The following VRTN variants were observed in gnomAD, a reference collection of about 807,000 sequenced individuals.
VRTN encodes vertnin.
VRTN carries 5 observed loss-of-function variants against 18.2 expected under a neutral mutation model. The observed-to-expected ratio is 0.27, with a 90% confidence interval of 0.14 to 0.58. VRTN has a LOEUF of 0.58. Ranked by LOEUF, VRTN falls within the 20% of genes least tolerant of loss-of-function variation. The probability of loss-of-function intolerance (pLI) is 0.91; values close to 1 mark genes in which losing one functional copy is unlikely to be tolerated. For missense variants in VRTN, 741 were observed against 939.4 expected (o/e 0.79, Z 2.76); for synonymous variants, 381 against 393.7 (o/e 0.97, Z 0.38).
Position 74,328,714 on chromosome 14 carries a change from T to C in VRTN, c.-163-9009T>C, listed in dbSNP as rs544536434. ...CTGCAGGGTTAAAAAGAGTAAGTTA[T>C]TGGCCAGGTGCCCTGGCTCATGCTT... On this transcript the variant is annotated intron_variant, in intron 1 of 2. Coordinates refer to the VRTN transcript ENST00000557177. Among the ~76,000 whole-genome samples the C allele has an allele frequency of 9.3e-4, 141 of 152,326 alleles. 3 individuals carry two copies. Among genetic ancestry groups the C allele is most frequent in the Admixed American group, 8.4e-3 (128 of 15,294 alleles).
chr14:74,347,470 A>T (rs540569051), upstream of VRTN, among the ~76,000 whole-genome samples: 7 of 152,324 alleles, frequency 4.6e-5, no homozygotes, highest in African/African-American at 1.4e-4. Flanking sequence ...TTGAGAGAGG[A>T]GAAAATGATA....
At position 74,303,132 on chromosome 14, in the gene VRTN, A is replaced by G. The variant is rs556711585; in HGVS notation, c.-208A>G. 40 of 448,488 alleles carry G rather than the reference A, an allele frequency of 8.9e-5. No homozygotes were observed. In the East Asian group the frequency reaches 1.4e-3, roughly 16 times the overall value. The allele number at this position is 448,488 out of a possible 1,614,324, so 27.8% of individuals were successfully genotyped here. A position where few individuals can be genotyped will look rare whatever the true frequency, so the allele number is the denominator to read the frequency against. On this transcript the variant is annotated 5_prime_UTR_variant, in exon 1 of 3. Transcript: ENST00000557177. ...ACAGCGCCCCCATATTTTCTGGGAG[A>G]CTTCCCTTTTGACAATAGGTATCCG...
intron 1 of VRTN, among the ~76,000 whole-genome samples, chr14:74,325,774 TAAAAAAAG>T (rs919671840): frequency 1.1e-4 from 17 of 151,032 alleles, no homozygotes; most frequent in African/African-American, 3.9e-4. Context: ...TGTTTCAAAA[TAAAAAAAG>T]AAAAAAAGAG....
rs948843354 is a variant in VRTN at position 74,359,534 on chromosome 14, AAG to A, written c.*644_*645del. ...CTCATCTCTTAGAAAAAAAAAAAGA[AAG>A]AAAATCAAATGTAGAGCTGATCAGC... On this transcript the variant is annotated 3_prime_UTR_variant, in exon 2 of 2. Transcript: ENST00000256362. The A allele has an allele frequency of 1.2e-5, 2 of 166,978 alleles. No homozygotes were observed. The highest frequency in any genetic ancestry group is 4.8e-5 in the African/African-American group (2 of 41,422). The allele number at this position is 166,978 out of a possible 1,614,324, so 10.3% of individuals were successfully genotyped here. A position where few individuals can be genotyped will look rare whatever the true frequency, so the allele number is the denominator to read the frequency against.
intron 1 of VRTN, among the ~76,000 whole-genome samples, chr14:74,311,730 T>TGTAATATA (rs2085390116): frequency 6.8e-6 from 1 of 146,390 alleles, no homozygotes; most frequent in South Asian, 2.2e-4. Context: ...TTTTACACTT[T>TGTAATATA]GTAATATATC....
chr14:74,304,399 A>G (rs1378478110), intron 1 of VRTN, among the ~76,000 whole-genome samples: 2 of 152,044 alleles, frequency 1.3e-5, no homozygotes, highest in African/African-American at 4.8e-5. Flanking sequence ...CAGGTGATCC[A>G]CCCACCTTGG....
intron 1 of VRTN, among the ~76,000 whole-genome samples, chr14:74,329,484 G>T (rs992096011): frequency 6.6e-6 from 1 of 152,008 alleles, no homozygotes; most frequent in Non-Finnish European, 1.5e-5. Flanking sequence ...GGCTGGTCTT[G>T]AACTCCTGGG....
At chr14:74,332,784 C>T (rs2085536266) in intron 1 of VRTN, among the ~76,000 whole-genome samples, 1 of 152,134 alleles carries the variant, frequency 6.6e-6, no homozygotes, top group Admixed American at 6.5e-5. Flanking sequence ...CTTGAGCACC[C>T]ACTTGGACCC....
chr14:74,315,202 T>C (rs1485620642), intron 1 of VRTN, among the ~76,000 whole-genome samples: 2 of 152,206 alleles, frequency 1.3e-5, no homozygotes, highest in African/African-American at 4.8e-5. Context: ...ATTAAGGAGA[T>C]GGCAGTGATA....
intron 1 of VRTN, among the ~76,000 whole-genome samples, chr14:74,354,469 A>G (rs971608900): frequency 9.9e-5 from 15 of 151,656 alleles, no homozygotes; most frequent in African/African-American, 3.2e-4. Context: ...CAGTGATGCA[A>G]TCTTGGCTCA....
chr14:74,336,158 A>C (rs545842737), intron 1 of VRTN, among the ~76,000 whole-genome samples: 1 of 151,960 alleles, frequency 6.6e-6, no homozygotes, highest in South Asian at 2.1e-4. Flanking sequence ...CCTGTAATCC[A>C]GCACTTTGGG....
At chr14:74,306,844 G>C (rs1020556389) in intron 1 of VRTN, among the ~76,000 whole-genome samples, 2 of 151,606 alleles carry the variant, frequency 1.3e-5, no homozygotes, top group African/African-American at 2.4e-5. Flanking sequence ...GAGCTCAAGC[G>C]ATGCTTCTGC....
At chr14:74,325,088 G>A (rs2085480303) in intron 1 of VRTN, among the ~76,000 whole-genome samples, 1 of 151,926 alleles carries the variant, frequency 6.6e-6, no homozygotes, top group African/African-American at 2.4e-5. Context: ...CAGTCAAACA[G>A]CCCTGGCTGC....
intron 1 of VRTN, among the ~76,000 whole-genome samples, chr14:74,350,365 G>A (rs967957460): frequency 3.3e-5 from 5 of 152,116 alleles, no homozygotes; most frequent in Non-Finnish European, 5.9e-5. Flanking sequence ...GGGTGGAACT[G>A]GGCCTGGGAA....
At chr14:74,347,513 G>T (rs564700179), upstream of VRTN, among the ~76,000 whole-genome samples, 1 of 152,342 alleles carries the variant, frequency 6.6e-6, no homozygotes, top group African/African-American at 2.4e-5. Context: ...GATGCATGGG[G>T]GCATTTTACA....
intron 1 of VRTN, among the ~76,000 whole-genome samples, chr14:74,355,833 CTTT>C (rs75088178): frequency 6.9e-6 from 1 of 145,178 alleles, no homozygotes. Context: ...TGGCCTCTCT[CTTT>C]TTTTTTTTTT....
intron 2 of VRTN, among the ~76,000 whole-genome samples, chr14:74,339,719 C>A (rs1043169273): frequency 2.0e-5 from 3 of 152,012 alleles, no homozygotes; most frequent in Admixed American, 2.0e-4. Context: ...GAGGCTGAGG[C>A]GGGAGGATCG....
intron 1 of VRTN, among the ~76,000 whole-genome samples, chr14:74,323,601 CAACA>C (rs765156674): frequency 1.4e-4 from 21 of 151,532 alleles, no homozygotes; most frequent in Admixed American, 3.3e-4. Flanking sequence ...AAAACCAAAC[CAACA>C]AACAAACAAA....
intron 2 of VRTN, among the ~76,000 whole-genome samples, chr14:74,341,097 A>C (rs1342527290): frequency 6.6e-6 from 1 of 152,224 alleles, no homozygotes; most frequent in Non-Finnish European, 1.5e-5. Flanking sequence ...GATGGGACAG[A>C]TGGATGAATT....
Sources: allele counts gnomAD v4.1 joint callset (sites outside exome capture counted in the v4.1 genomes callset), GRCh38; gene constraint gnomAD v4.1.1; transcripts MANE v1.5; gene names NCBI Gene and HGNC (gene_info 2026-07-23, HGNC 2026-07-21).